Variants in SGCZ observed in about 807,000 individuals in gnomAD.
The protein encoded by SGCZ is sarcoglycan zeta, also known as zeta-sarcoglycan.
A neutral mutation model predicts 41.3 loss-of-function variants in SGCZ; 40 were observed. The observed-to-expected ratio is 0.97, with a 90% CI of 0.75 to 1.26. The LOEUF is 1.26. Among genes scored for constraint, SGCZ ranks in the 50% most tolerant of loss-of-function variants. The pLI is 0.00. For synonymous variants in SGCZ, 206 were observed against 137.5 expected (o/e 1.50, Z -3.49); for missense variants, 552 against 369.8 (o/e 1.49, Z -4.04).
intron 1 of SGCZ, among the ~76,000 whole-genome samples, chr8:15,074,585 C>G (rs906447427): frequency 6.6e-6 from 1 of 152,118 alleles, no homozygotes; most frequent in Non-Finnish European, 1.5e-5. Flanking sequence ...ACAAGCCATT[C>G]TTTGTTTTAT....
chr8:14,828,302 G>C lies in SGCZ; in HGVS notation c.40-273376C>G, dbSNP rs548283117. ...ACAAATGATTTATGTCAATTTGCAA[G>C]GAAAAAAGTTATCTTATTTGTATCC... On this transcript the variant is annotated intron_variant, in intron 1 of 7. Transcript: ENST00000382080. Among the ~76,000 whole-genome samples, 4 of 152,136 alleles carry C rather than the reference G, an allele frequency of 2.6e-5. No individual in the cohort carries two copies. In the South Asian group the frequency reaches 8.3e-4, roughly 32 times the overall value.
intron 1 of SGCZ, among the ~76,000 whole-genome samples, chr8:15,039,140 G>A (rs1359229782): frequency 6.6e-6 from 1 of 152,100 alleles, no homozygotes; most frequent in African/African-American, 2.4e-5. Flanking sequence ...ATAGCCAAAG[G>A]AAATTAAATC....
intron 1 of SGCZ, among the ~76,000 whole-genome samples, chr8:14,679,603 A>G (rs1808380392): frequency 6.6e-6 from 1 of 151,870 alleles, no homozygotes; most frequent in Admixed American, 6.6e-5. Flanking sequence ...TATTACAGAA[A>G]AAGTAAAAAT....
intron 2 of SGCZ, among the ~76,000 whole-genome samples, chr8:14,437,405 CAAACA>C (rs978935953): frequency 1.3e-5 from 2 of 152,104 alleles, no homozygotes; most frequent in Admixed American, 1.3e-4. Context: ...TCAAACACTT[CAAACA>C]AAACATCATA....
chr8:15,141,518 CAAT>C (rs1808319920), intron 1 of SGCZ, among the ~76,000 whole-genome samples: 1 of 152,200 alleles, frequency 6.6e-6, no homozygotes, highest in South Asian at 2.1e-4. Flanking sequence ...ATTGTACTCT[CAAT>C]GATGATAAAT....
At chr8:14,891,483 G>GAC (rs1353716281) in intron 1 of SGCZ, among the ~76,000 whole-genome samples, 1 of 152,110 alleles carries the variant, frequency 6.6e-6, no homozygotes, top group African/African-American at 2.4e-5. Context: ...ACAGTCTCAG[G>GAC]ATAAAACATT....
chr8:15,045,034 A>G (rs1025627089), intron 1 of SGCZ, among the ~76,000 whole-genome samples: 1 of 152,042 alleles, frequency 6.6e-6, no homozygotes, highest in African/African-American at 2.4e-5. Context: ...CATATTTTGG[A>G]TATCAGATAT....
chr8:14,540,275 T>A (rs1335413270), intron 2 of SGCZ, among the ~76,000 whole-genome samples: 2 of 147,192 alleles, frequency 1.4e-5, no homozygotes, highest in Non-Finnish European at 3.0e-5. Flanking sequence ...TTGTTAGGTT[T>A]ATAAATTATT....
At chr8:14,778,337 A>T (rs1255024776) in intron 1 of SGCZ, among the ~76,000 whole-genome samples, 2 of 152,196 alleles carry the variant, frequency 1.3e-5, no homozygotes, top group Non-Finnish European at 1.5e-5. Context: ...AAGAGAGGAC[A>T]CTGGTCACTT....
intron 1 of SGCZ, among the ~76,000 whole-genome samples, chr8:14,797,064 G>C (rs1801157816): frequency 6.6e-6 from 1 of 152,116 alleles, no homozygotes; most frequent in Non-Finnish European, 1.5e-5. Context: ...CATGAGAGAA[G>C]ACTAATATGG....
At chr8:14,325,971 G>C (rs1218997351) in intron 2 of SGCZ, among the ~76,000 whole-genome samples, 1 of 149,132 alleles carries the variant, frequency 6.7e-6, no homozygotes, top group Non-Finnish European at 1.5e-5. Context: ...AATTAGCCGG[G>C]CTTGGTGGCG....
intron 1 of SGCZ, among the ~76,000 whole-genome samples, chr8:15,210,460 C>T (rs1331104725): frequency 2.0e-5 from 3 of 147,696 alleles, no homozygotes; most frequent in African/African-American, 7.5e-5. Context: ...TACTCCATAA[C>T]AACTTCCTTA....
chr8:14,874,746 T>A (rs990479785), intron 1 of SGCZ, among the ~76,000 whole-genome samples: 1 of 152,048 alleles, frequency 6.6e-6, no homozygotes, highest in African/African-American at 2.4e-5. Flanking sequence ...GGGAATCAGG[T>A]TGCTCTAAAA....
At chr8:14,455,883 G>A (rs918310393) in intron 2 of SGCZ, among the ~76,000 whole-genome samples, 3 of 152,102 alleles carry the variant, frequency 2.0e-5, no homozygotes, top group African/African-American at 7.2e-5. Flanking sequence ...CCTCTCATGT[G>A]AAAAAGGAGT....
At chr8:14,823,329 A>G (rs1161857946) in intron 1 of SGCZ, among the ~76,000 whole-genome samples, 1 of 152,128 alleles carries the variant, frequency 6.6e-6, no homozygotes, top group Non-Finnish European at 1.5e-5. Context: ...TGCAAACAAT[A>G]TATTTAACAA....
chr8:14,744,740 A>G (rs1171206405), intron 1 of SGCZ, among the ~76,000 whole-genome samples: 3 of 152,178 alleles, frequency 2.0e-5, no homozygotes, highest in African/African-American at 4.8e-5. Context: ...ATGTTCAATG[A>G]GAGATTATTG....
intron 1 of SGCZ, among the ~76,000 whole-genome samples, chr8:14,585,602 C>T (rs965660657): frequency 3.3e-5 from 5 of 152,066 alleles, no homozygotes; most frequent in Middle Eastern, 3.2e-3. Flanking sequence ...GTTTTACTCT[C>T]AGCCTACAAA....
chr8:15,009,733 C>T (rs1585468520), intron 1 of SGCZ, among the ~76,000 whole-genome samples: 2 of 152,154 alleles, frequency 1.3e-5, no homozygotes, highest in Non-Finnish European at 2.9e-5. Context: ...CCCTCACACT[C>T]TTCATATCTA....
Position 14,120,121 on chromosome 8 carries a change from C to A in SGCZ, c.548-11886G>T, listed in dbSNP as rs1802654178. Among the ~76,000 whole-genome samples the A allele has an allele frequency of 2.6e-5, 4 of 152,020 alleles. No individual in the cohort carries two copies. In the South Asian group the frequency reaches 8.3e-4, roughly 31 times the overall value. ...ATTCCTAGGGATAGATACCAAATTT[C>A]TAAAAAAGGTATTATCATATGGAAA... On this transcript the variant is annotated intron_variant, in intron 5 of 7. Transcript: ENST00000382080.
Sources: gnomAD v4.1 joint callset for allele counts (sites outside exome capture counted in the v4.1 genomes callset) on GRCh38, gnomAD v4.1.1 for gene constraint, MANE v1.5 for transcripts, NCBI Gene and HGNC (gene_info 2026-07-23, HGNC 2026-07-21) for gene names.